Variants in CHST8 observed in about 807,000 individuals in gnomAD.
CHST8 encodes the protein GALNAC-4-ST1.
Under a neutral mutation model 15.0 loss-of-function variants are expected in CHST8, and 10 were observed. The observed-to-expected ratio is 0.67, with a 90% CI of 0.41 to 1.13. The LOEUF (loss-of-function observed/expected upper bound fraction) is 1.13, where lower values mean the gene tolerates loss of function less well. Among genes scored for constraint, CHST8 ranks in the 50% most tolerant of loss-of-function variants. The pLI is 0.00. For synonymous variants in CHST8, 259 were observed against 256.6 expected (o/e 1.01, Z -0.09); for missense variants, 634 against 608.2 (o/e 1.04, Z -0.45).
intron 1 of CHST8, among the ~76,000 whole-genome samples, chr19:33,624,770 T>C (rs1972030159): frequency 6.6e-6 from 1 of 152,186 alleles, no homozygotes; most frequent in Non-Finnish European, 1.5e-5. Flanking sequence ...GTTTTGCTGA[T>C]GGAAGAGAGG....
chr19:33,720,411 T>C (rs1973764844), intron 3 of CHST8, among the ~76,000 whole-genome samples: 1 of 149,512 alleles, frequency 6.7e-6, no homozygotes, highest in African/African-American at 2.5e-5. Flanking sequence ...CCCGCACACA[T>C]GTACCACACA....
At chr19:33,743,786 T>C (rs529177470) in intron 3 of CHST8, among the ~76,000 whole-genome samples, 1 of 122,886 alleles carries the variant, frequency 8.1e-6, no homozygotes, top group Non-Finnish European at 1.7e-5. Context: ...TTCTGCTTTT[T>C]TCTTTTTTTC....
chr19:33,689,946 G>A (rs931334498), intron 3 of CHST8, among the ~76,000 whole-genome samples: 1 of 152,216 alleles, frequency 6.6e-6, no homozygotes, highest in African/African-American at 2.4e-5. Flanking sequence ...GGGCTGCTGG[G>A]AACAGGTGGG....
At chr19:33,708,274 A>G (rs76116840) in intron 3 of CHST8, among the ~76,000 whole-genome samples, 6,989 of 152,308 alleles carry the variant, frequency 0.046, 190 homozygotes, top group East Asian at 0.1. Flanking sequence ...TTGATGGATT[A>G]TGCTTTTTGT....
rs869303685 is a variant in CHST8 at position 33,698,388 on chromosome 19, GAAAA to G, written c.130+9008_130+9011del. Among the ~76,000 whole-genome samples, 5 of 94,006 alleles carry G rather than the reference GAAAA, an allele frequency of 5.3e-5. No homozygotes were observed. The East Asian group carries it at 1.4e-3, about 26-fold the overall frequency. The allele number at this position is 94,006 out of a possible 152,430, so 61.7% of individuals were successfully genotyped here. ...ACAAAGCGAGACTCCATCTCAAAAAGAAAAAAAAAAAAAAGAAAGAAAGAAAGAA... is the reference window on the plus strand; with the variant it reads ...ACAAAGCGAGACTCCATCTCAAAAAGAAAAAAAAAAGAAAGAAAGAAAGAA... On this transcript the variant is annotated intron_variant, in intron 3 of 4. Transcript: ENST00000650847.
At chr19:33,715,176 C>T (rs74816550) in intron 3 of CHST8, among the ~76,000 whole-genome samples, 11,399 of 152,326 alleles carry the variant, frequency 0.075, 605 homozygotes, top group Middle Eastern at 0.14. Context: ...TGCCCTGGTC[C>T]TCCCCTTCCC....
At chr19:33,752,536 A>G (rs71351739) in intron 3 of CHST8, among the ~76,000 whole-genome samples, 15,130 of 152,246 alleles carry the variant, frequency 0.099, 909 homozygotes, top group Admixed American at 0.12. Flanking sequence ...ACTGAGGAGC[A>G]TGGCAGAGCC....
intron 2 of CHST8, among the ~76,000 whole-genome samples, chr19:33,686,746 C>G (rs10415177): frequency 0.16 from 24,248 of 152,238 alleles, 2,243 homozygotes; most frequent in Admixed American, 0.25. Context: ...GCACCCACAC[C>G]GTGGCCAGCT....
rs902806584 is a variant in CHST8 at position 33,622,124 on chromosome 19, C to G, written c.-336C>G. ...CCGCACGCTCCGGCTGCCGGCCCCA[C>G]GCTGCTCGCCCACAGATCGCACTGG... On this transcript the variant is annotated 5_prime_UTR_variant, in exon 1 of 5. Transcript: ENST00000650847. 3.3e-5 allele frequency: 5 copies of G among 152,318 alleles called. No homozygotes were observed. Among genetic ancestry groups the G allele is most frequent in the Admixed American group, 6.5e-5 (1 of 15,278 alleles). 9.4% of individuals were successfully genotyped at this position (152,318 alleles called of 1,614,324 possible). A position where few individuals can be genotyped will look rare whatever the true frequency, so the allele number is the denominator to read the frequency against.
intron 1 of CHST8, among the ~76,000 whole-genome samples, chr19:33,645,792 G>C (rs1044680795): frequency 6.6e-6 from 1 of 152,202 alleles, no homozygotes; most frequent in East Asian, 1.9e-4. Context: ...GCCCAGAAAA[G>C]CCAATACACA....
intron 3 of CHST8, among the ~76,000 whole-genome samples, chr19:33,753,410 C>G (rs1253726920): frequency 2.9e-5 from 4 of 138,630 alleles, no homozygotes; most frequent in African/African-American, 8.3e-5. Flanking sequence ...CTACCAACCA[C>G]CCACCTTCCT....
chr19:33,691,452 C>G (rs1973098164), intron 3 of CHST8, among the ~76,000 whole-genome samples: 1 of 152,210 alleles, frequency 6.6e-6, no homozygotes, highest in Non-Finnish European at 1.5e-5. Context: ...GTTACTTTCC[C>G]TGAGCAAAGT....
At chr19:33,732,233 C>A (rs1189674457) in intron 3 of CHST8, among the ~76,000 whole-genome samples, 1 of 152,184 alleles carries the variant, frequency 6.6e-6, no homozygotes, top group Non-Finnish European at 1.5e-5. Context: ...GTCCTTCTAC[C>A]AAGAATCGTT....
intron 1 of CHST8, among the ~76,000 whole-genome samples, chr19:33,659,185 C>A (rs1294446111): frequency 2.6e-5 from 4 of 151,280 alleles, no homozygotes; most frequent in Non-Finnish European, 5.9e-5. Context: ...CCTGCCTCAG[C>A]CTCCCGAGTA....
chr19:33,660,162 T>C (rs903130454), intron 1 of CHST8, among the ~76,000 whole-genome samples: 10 of 152,150 alleles, frequency 6.6e-5, no homozygotes, highest in Non-Finnish European at 1.5e-4. Context: ...CTTTTTGCTC[T>C]TTTTGGTGGA....
At chr19:33,635,652 G>T (rs867930942) in intron 1 of CHST8, among the ~76,000 whole-genome samples, 1 of 152,136 alleles carries the variant, frequency 6.6e-6, no homozygotes, top group Non-Finnish European at 1.5e-5. Flanking sequence ...CATGAGCTCC[G>T]TCCCTGAGGG....
intron 1 of CHST8, among the ~76,000 whole-genome samples, chr19:33,637,081 T>G (rs1972214400): frequency 6.6e-6 from 1 of 152,204 alleles, no homozygotes; most frequent in Non-Finnish European, 1.5e-5. Flanking sequence ...TGCCATGGCA[T>G]TTGTAAACTG....
intron 3 of CHST8, among the ~76,000 whole-genome samples, chr19:33,705,037 G>A (rs913893360): frequency 7.2e-5 from 11 of 152,122 alleles, no homozygotes; most frequent in African/African-American, 2.7e-4. Context: ...GGCACCTACT[G>A]TTGGTTGGAT....
At chr19:33,644,857 G>T (rs983528339) in intron 1 of CHST8, among the ~76,000 whole-genome samples, 2 of 152,222 alleles carry the variant, frequency 1.3e-5, no homozygotes, top group African/African-American at 4.8e-5. Flanking sequence ...GAAGGGTCAA[G>T]GTGGGCCTCC....
Sources: allele counts gnomAD v4.1 joint callset (sites outside exome capture counted in the v4.1 genomes callset), GRCh38; gene constraint gnomAD v4.1.1; transcripts MANE v1.5; gene names NCBI Gene and HGNC (gene_info 2026-07-23, HGNC 2026-07-21).